OTX2: variants seen among roughly 807,000 people sequenced by gnomAD.
OTX2 encodes homeobox protein OTX2.
In OTX2, 4 loss-of-function variants were observed where a neutral mutation model predicts 29.0. The ratio of observed to expected loss-of-function variants is 0.14; its 90% CI spans 0.07 to 0.32. The LOEUF is 0.32. OTX2 is among the 10% of genes least tolerant of loss of function. The pLI, the probability that OTX2 is intolerant of heterozygous loss-of-function variation, is 1.00. For missense variants in OTX2, 298 were observed against 365.9 expected (o/e 0.81, Z 1.51); for synonymous variants, 134 against 141.0 (o/e 0.95, Z 0.35).
rs990065826 is a variant in OTX2 at position 56,804,026 on chromosome 14, G to A, written c.273+162C>T. ...TACGGGATTAAGTGGTGACGGGCAG[G>A]CAAAAAAGGGCAGAAGGAGAATAGT... On this transcript the variant is annotated intron_variant, in intron 4 of 4. Coordinates refer to ENST00000672264, the MANE Select transcript of OTX2 (RefSeq NM_021728.4). The surrounding 1 kb of genome is among the most constrained non-coding windows in gnomAD (Gnocchi z 4.1). 6.6e-6 allele frequency among the ~76,000 whole-genome samples: 1 copy of A among 151,864 alleles called. No homozygotes were observed. Among genetic ancestry groups the A allele is most frequent in the African/African-American group, 2.4e-5 (1 of 41,362 alleles).
Position 56,804,480 on chromosome 14 carries a change from C to G in OTX2, c.98-117G>C, listed in dbSNP as rs1892009192. 1 of 948,810 alleles carries G rather than the reference C, an allele frequency of 1.1e-6. No individual in the cohort carries two copies. Among genetic ancestry groups the G allele is most frequent in the Admixed American group, 2.7e-5 (1 of 37,730 alleles). 58.8% of individuals were successfully genotyped at this position (948,810 alleles called of 1,614,324 possible). The stretch of plus-strand genomic sequence containing the variant: ...TCACAGCCCTTCAGCCGGGAGCCTA[C>G]CAATGCTCTCCCCACCGTCTCCCCA... On this transcript the variant is annotated intron_variant, in intron 3 of 4. Coordinates refer to ENST00000672264, the MANE Select transcript of OTX2 (RefSeq NM_021728.4). The surrounding 1 kb of genome is among the most constrained non-coding windows in gnomAD (Gnocchi z 4.1).
chr14:56,802,054 C>T lies in OTX2; in HGVS notation c.575G>A (p.Gly192Asp). 1.2e-6 allele frequency: 2 copies of T among 1,614,134 alleles called. No individual in the cohort carries two copies. The highest frequency in any genetic ancestry group is 1.7e-5 in the Admixed American group (1 of 60,020). ...TGAGCCAGCATATCCTTGACTATAA[C>T]CTGAAGCCTGAGTATAGGTCATGGG... ...SYPMTYTQAS[G>D]YSQGYAGSTS... The change falls in exon 5 of 5, where the codon GGT (glycine) becomes GAT (aspartate). Residue 192 changes from glycine (G) to aspartate (D), a missense_variant. Gly to Asp is a moderately conservative substitution (Grantham distance 94). Transcript: ENST00000672264. This position sits in a 1 kb window ranked among gnomAD's most constrained non-coding sequence, Gnocchi z 4.4.
In OTX2 at chr14:56,801,901, G is replaced by A. The variant is rs1006268708; in HGVS notation, c.728C>T (p.Pro243Leu). 8.7e-6 allele frequency: 14 copies of A among 1,614,074 alleles called. No homozygotes were observed. Among genetic ancestry groups the A allele is most frequent in the Non-Finnish European group, 1.1e-5 (13 of 1,180,054 alleles). The change falls in exon 5 of 5, where the codon CCA becomes CTA. Residue 243 changes from proline (P) to leucine (L), a missense_variant. Coordinates refer to ENST00000672264, the MANE Select transcript of OTX2 (RefSeq NM_021728.4). This position sits in a 1 kb window ranked among gnomAD's most constrained non-coding sequence, Gnocchi z 4.2. ...ATATCCCTGGGTGGAAAGAGAAGCT[G>A]GGGACTGATTGAGATGGCTGGTGAC... ...NAVTSHLNQS[P>L]ASLSTQGYGA...
intron 2 of OTX2, among the ~76,000 whole-genome samples, chr14:56,806,208 C>T (rs192899966): frequency 3.1e-4 from 47 of 152,228 alleles, no homozygotes; most frequent in Admixed American, 2.1e-3. Flanking sequence ...TTGGAAAAAC[C>T]GCTCAACCAC....
chr14:56,803,388 A>G (rs550896564), intron 4 of OTX2, among the ~76,000 whole-genome samples: 2 of 152,248 alleles, frequency 1.3e-5, no homozygotes, highest in Non-Finnish European at 2.9e-5. Flanking sequence ...GCAAGTGCTA[A>G]AACTTCCTCT....
intron 2 of OTX2, among the ~76,000 whole-genome samples, chr14:56,806,492 G>A (rs961998540): frequency 6.6e-6 from 1 of 152,186 alleles, no homozygotes; most frequent in Non-Finnish European, 1.5e-5. Flanking sequence ...GATAATGACG[G>A]GACCCCACAT....
chr14:56,805,750 T>C (rs1407773551), intron 2 of OTX2, 175 bp from the exon 3 acceptor site: 5 of 274,016 alleles, frequency 1.8e-5, no homozygotes, highest in Non-Finnish European at 3.2e-5. Flanking sequence ...CCAGCTGCTC[T>C]GGAACTAGAG....
At chr14:56,809,927 A>G (rs555285429) in intron 2 of OTX2, among the ~76,000 whole-genome samples, 12 of 152,334 alleles carry the variant, frequency 7.9e-5, no homozygotes, top group Non-Finnish European at 1.5e-4. Context: ...GACGACCCCC[A>G]GGAGCACGCT....
In OTX2 at chr14:56,801,710, C is replaced by T. The variant is rs1229234977; in HGVS notation, c.*25G>A. On this transcript the variant is annotated 3_prime_UTR_variant, in exon 5 of 5. Coordinates refer to ENST00000672264, the MANE Select transcript of OTX2 (RefSeq NM_021728.4). This position sits in a 1 kb window ranked among gnomAD's most constrained non-coding sequence, Gnocchi z 4.2. ...CCAGCCCAGTATATTTAAAAATCAC[C>T]CACAAAAAGAGGTTCTACAGGTCTT... is the stretch of plus-strand genomic sequence containing the variant. The T allele has an allele frequency of 1.2e-6, 2 of 1,611,922 alleles. No individual in the cohort carries two copies. The highest frequency in any genetic ancestry group is 1.7e-5 in the Admixed American group (1 of 60,012).
At chr14:56,806,159 C>T (rs974435684) in intron 2 of OTX2, among the ~76,000 whole-genome samples, 16 of 152,260 alleles carry the variant, frequency 1.1e-4, no homozygotes, top group South Asian at 1.0e-3. Context: ...AATGTCAGTG[C>T]GTTTAACATC....
At position 56,802,049 on chromosome 14, in the gene OTX2, T is replaced by C. The variant is rs765382721; in HGVS notation, c.580A>G (p.Ser194Gly). 10 of 1,614,058 alleles carry C rather than the reference T, an allele frequency of 6.2e-6. No homozygotes were observed. In the South Asian group the frequency reaches 1.1e-4, roughly 18 times the overall value. Residue 194 changes from serine (S) to glycine (G), a missense_variant, in exon 5 of 5, where the codon AGT (serine) becomes GGT (glycine). By Grantham distance (56) the Ser-to-Gly change is moderately conservative (BLOSUM62 0). This residue lies in a region of OTX2 where 219 missense variants were observed against 223.5 expected (regional missense o/e 0.98). Transcript: ENST00000672264. This position sits in a 1 kb window ranked among gnomAD's most constrained non-coding sequence, Gnocchi z 4.4. ...GAAGTTGAGCCAGCATATCCTTGAC[T>C]ATAACCTGAAGCCTGAGTATAGGTC... The part of the protein sequence containing the change: ...PMTYTQASGY[S>G]QGYAGSTSYF...
In OTX2 at chr14:56,800,453, G is replaced by A. The variant is rs1891835157; in HGVS notation, c.*1282C>T. On this transcript the variant is annotated 3_prime_UTR_variant, in exon 5 of 5. Transcript: ENST00000672264. The stretch of plus-strand genomic sequence containing the variant: ...ATCGTTCAGGTTTGAAGTAGGGAGG[G>A]AAAAGCAAGGAAAACAAGATCTTGT... 1 of 151,988 alleles carries A rather than the reference G, an allele frequency of 6.6e-6. No individual in the cohort carries two copies. 9.4% of individuals were successfully genotyped at this position (151,988 alleles called of 1,614,324 possible).
Position 56,805,391 on chromosome 14 carries a change from C to G in OTX2, c.66G>C (p.Met22Ile), listed in dbSNP as rs778956556. The part of the protein sequence containing the change: ...VNGLSLTTSG[M>I]DLLHPSVGYP... ...AGCCCACGGAGGGGTGCAGCAAGTC[C>G]ATACCCGAAGTGGTCAGACTCAGCC... is the stretch of plus-strand genomic sequence containing the variant. Residue 22 changes from methionine (M) to isoleucine (I), a missense_variant, in exon 3 of 5, where the codon ATG becomes ATC. By Grantham distance (10) the Met-to-Ile change is conservative (BLOSUM62 1). Coordinates refer to ENST00000672264, the MANE Select transcript of OTX2 (RefSeq NM_021728.4). The G allele has an allele frequency of 6.2e-7, 1 of 1,613,760 alleles. No homozygotes were observed. Among genetic ancestry groups the G allele is most frequent in the Non-Finnish European group, 8.5e-7 (1 of 1,179,694 alleles).
Position 56,804,398 on chromosome 14 carries a change from C to A in OTX2, c.98-35G>T. 6.3e-7 allele frequency: 1 copy of A among 1,592,104 alleles called. No homozygotes were observed. Among genetic ancestry groups the A allele is most frequent in the Non-Finnish European group, 8.6e-7 (1 of 1,167,150 alleles). ...GGGGGAGCAGTTTCTCAGTCATAGG[C>A]GTTTCCGCGGGTTCTCCGACGCCCC... On this transcript the variant is annotated intron_variant, in intron 3 of 4. Transcript: ENST00000672264. This position sits in a 1 kb window ranked among gnomAD's most constrained non-coding sequence, Gnocchi z 4.1.
rs747279627 is a variant in OTX2, at chr14:56,802,038, A to G, written c.591T>C (p.Tyr197=). ...CCCCAAAGTAGGAAGTTGAGCCAGC[A>G]TATCCTTGACTATAACCTGAAGCCT... is the stretch of plus-strand genomic sequence containing the variant. ...YTQASGYSQG[Y]AGSTSYFGGM... The change falls in exon 5 of 5, where the codon TAT becomes TAC. Residue 197 remains tyrosine, a synonymous_variant. Transcript: ENST00000672264. This position sits in a 1 kb window ranked among gnomAD's most constrained non-coding sequence, Gnocchi z 4.4. 4 of 1,614,188 alleles carry G rather than the reference A, an allele frequency of 2.5e-6. No individual in the cohort carries two copies. Among genetic ancestry groups the G allele is most frequent in the South Asian group, 2.2e-5 (2 of 91,084 alleles).
At chr14:56,803,790 C>G (rs927893905) in intron 4 of OTX2, among the ~76,000 whole-genome samples, 1 of 152,186 alleles carries the variant, frequency 6.6e-6, no homozygotes, top group Non-Finnish European at 1.5e-5. Context: ...TAGTTATGAC[C>G]TTGAGCAAGT....
intron 2 of OTX2, among the ~76,000 whole-genome samples, chr14:56,807,995 G>T (rs1368279121): frequency 2.7e-5 from 4 of 148,646 alleles, no homozygotes; most frequent in Non-Finnish European, 5.9e-5. Flanking sequence ...CCGCAGCCCC[G>T]CAGCCCCGCA....
rs532591693 is a variant in OTX2 at position 56,802,667 on chromosome 14, A to G, written c.274-312T>C. ...ATCTTATTTCGCCTCTAACACACAC[A>G]TACACATAGACCCAGCTATATTTTG... On this transcript the variant is annotated intron_variant, in intron 4 of 4. Coordinates refer to ENST00000672264, the MANE Select transcript of OTX2 (RefSeq NM_021728.4). The surrounding 1 kb of genome is among the most constrained non-coding windows in gnomAD (Gnocchi z 4.4). Among the ~76,000 whole-genome samples the G allele has an allele frequency of 6.8e-4, 103 of 152,330 alleles. No individual in the cohort carries two copies. The highest frequency in any genetic ancestry group is 8.3e-4 in the South Asian group (4 of 4,830).
At chr14:56,809,491 G>A (rs1218264473) in intron 2 of OTX2, among the ~76,000 whole-genome samples, 1 of 152,224 alleles carries the variant, frequency 6.6e-6, no homozygotes, top group Non-Finnish European at 1.5e-5. Context: ...TGAGGGAGAG[G>A]AGGCCAAAGA....
Sources: gnomAD v4.1 joint callset for allele counts (sites outside exome capture counted in the v4.1 genomes callset) on GRCh38, gnomAD v4.1.1 for gene constraint, gnomAD v4.1.1 regional missense constraint, Gnocchi (gnomAD v3.1) non-coding constraint, MANE v1.5 for transcripts, NCBI Gene and HGNC (gene_info 2026-07-23, HGNC 2026-07-21) for gene names.